Variants in TRMT9B observed in about 807,000 individuals in gnomAD.
The protein encoded by TRMT9B is probable tRNA methyltransferase 9B.
In TRMT9B, 16 loss-of-function variants were observed where a neutral mutation model predicts 11.5. The observed-to-expected ratio is 1.39, with a 90% CI of 0.94 to 2.11. TRMT9B has a LOEUF of 2.11. Ranked by LOEUF, TRMT9B falls within the 30% of genes most tolerant of loss-of-function variation. The probability of loss-of-function intolerance (pLI) is 0.00; values close to 1 mark genes in which losing one functional copy is unlikely to be tolerated. For synonymous variants in TRMT9B, 274 were observed against 192.4 expected, an observed-to-expected ratio of 1.42 and a Z score of -3.51; for missense variants, 941 against 553.8, an observed-to-expected ratio of 1.70 and a Z score of -7.02.
chr8:12,992,350 T>C (rs531844318), intron 2 of TRMT9B, among the ~76,000 whole-genome samples: 2 of 152,176 alleles, frequency 1.3e-5, no homozygotes, highest in South Asian at 4.2e-4. Flanking sequence ...AGATAATAAA[T>C]TTGCAGTGTA....
intron 4 of TRMT9B, among the ~76,000 whole-genome samples, chr8:13,016,046 G>T (rs1357071081): frequency 1.3e-5 from 2 of 150,302 alleles, no homozygotes; most frequent in African/African-American, 4.9e-5. Context: ...AGGAGTTTGA[G>T]TCCAGCCTGG....
intron 1 of TRMT9B, among the ~76,000 whole-genome samples, chr8:12,982,257 C>A (rs1563355667): frequency 6.6e-6 from 1 of 152,094 alleles, no homozygotes. Context: ...AGGGAAGGGG[C>A]AGGGTTACTC....
At chr8:12,991,163 G>C in intron 2 of TRMT9B, 132 bp downstream of exon 2, 1 of 309,786 alleles carries the variant, frequency 3.2e-6, no homozygotes, top group Non-Finnish European at 5.2e-6. Flanking sequence ...AAGTAAGTTG[G>C]AATTTATTTT....
chr8:13,001,494 A>G (rs1457536214), intron 2 of TRMT9B, among the ~76,000 whole-genome samples: 1 of 152,256 alleles, frequency 6.6e-6, no homozygotes, highest in Admixed American at 6.5e-5. Context: ...TGTAGATAAC[A>G]TACTTCACTA....
At chr8:12,961,925 C>G (rs2946496) in intron 1 of TRMT9B, 1 of 152,274 alleles carries the variant, frequency 6.6e-6, no homozygotes, top group South Asian at 2.1e-4. Flanking sequence ...AATCAGACTT[C>G]TCAGCAGACC....
At chr8:12,967,600 C>T (rs1802998840) in intron 1 of TRMT9B, among the ~76,000 whole-genome samples, 1 of 152,338 alleles carries the variant, frequency 6.6e-6, no homozygotes, top group East Asian at 1.9e-4. Context: ...TAATTAAATG[C>T]ATCCTTTCTA....
At chr8:12,966,829 G>A (rs1255590032) in intron 1 of TRMT9B, among the ~76,000 whole-genome samples, 1 of 152,178 alleles carries the variant, frequency 6.6e-6, no homozygotes. Flanking sequence ...GAGGAGCTGG[G>A]TGCAGTGGGG....
chr8:12,997,115 G>A (rs572258530), intron 2 of TRMT9B, among the ~76,000 whole-genome samples: 2 of 151,962 alleles, frequency 1.3e-5, no homozygotes, highest in East Asian at 3.9e-4. Flanking sequence ...TGATATTTGT[G>A]GAATGTATAT....
chr8:13,011,872 A>G, intron 3 of TRMT9B: 1 of 982,824 alleles, frequency 1.0e-6, no homozygotes, highest in Non-Finnish European at 1.2e-6. Context: ...TCAAGTTCAA[A>G]TTTTAAAAAT....
Position 13,023,204 on chromosome 8 carries a change from C to G in TRMT9B, c.*1160C>G, listed in dbSNP as rs1814233325. 1 of 167,070 alleles carries G rather than the reference C, an allele frequency of 6.0e-6. No individual in the cohort carries two copies. Among genetic ancestry groups the G allele is most frequent in the African/African-American group, 2.4e-5 (1 of 41,428 alleles). The allele number at this position is 167,070 out of a possible 1,614,324, so 10.3% of individuals were successfully genotyped here. On this transcript the variant is annotated 3_prime_UTR_variant, in exon 5 of 5. Coordinates refer to ENST00000524591, the MANE Select transcript of TRMT9B (RefSeq NM_020844.3). ...AGACCAAGATTGACTAATGATGAGTCTGCATCAAGAACTAGGCATTTCTTC... is the reference window on the plus strand; with the variant it reads ...AGACCAAGATTGACTAATGATGAGTGTGCATCAAGAACTAGGCATTTCTTC...
intron 2 of TRMT9B, among the ~76,000 whole-genome samples, chr8:12,994,090 C>G (rs1807896399): frequency 6.6e-6 from 1 of 152,184 alleles, no homozygotes; most frequent in Non-Finnish European, 1.5e-5. Context: ...GTCAATGTGC[C>G]TGGCAGGCCC....
intron 1 of TRMT9B, among the ~76,000 whole-genome samples, chr8:12,984,137 T>G (rs867870049): frequency 1.2e-4 from 19 of 152,282 alleles, no homozygotes; most frequent in Middle Eastern, 3.4e-3. Context: ...CCAAAATTAT[T>G]AAAAATGTGG....
intron 1 of TRMT9B, among the ~76,000 whole-genome samples, chr8:12,954,792 G>A (rs1801088204): frequency 6.6e-6 from 1 of 152,192 alleles, no homozygotes; most frequent in Non-Finnish European, 1.5e-5. Context: ...TTCAAAAAGA[G>A]TTAACATCAT....
At chr8:12,964,843 C>T (rs1012855791) in intron 1 of TRMT9B, among the ~76,000 whole-genome samples, 4 of 152,102 alleles carry the variant, frequency 2.6e-5, no homozygotes, top group African/African-American at 7.2e-5. Flanking sequence ...CCTCCCAGTT[C>T]GGCCTCCCAA....
At chr8:12,947,003 G>T (rs556885111) in intron 1 of TRMT9B, among the ~76,000 whole-genome samples, 1 of 152,270 alleles carries the variant, frequency 6.6e-6, no homozygotes, top group South Asian at 2.1e-4. Context: ...TAGGATTTAG[G>T]AGATGGCTAC....
chr8:13,001,788 G>A (rs188993356), intron 2 of TRMT9B, among the ~76,000 whole-genome samples: 2 of 152,150 alleles, frequency 1.3e-5, no homozygotes, highest in Non-Finnish European at 2.9e-5. Context: ...CACAATGTGA[G>A]GCTTTAAGTA....
In TRMT9B at chr8:13,012,524, G is replaced by A; in HGVS notation, c.155-160G>A. On this transcript the variant is annotated intron_variant, in intron 3 of 4. Transcript: ENST00000524591. The stretch of plus-strand genomic sequence containing the variant: ...CGTGAGGCAGAGGTTGCAGTGAACC[G>A]AGATTGCGCCACTGCACTCCAGCCT... 7.7e-6 allele frequency: 7 copies of A among 912,118 alleles called. No individual in the cohort carries two copies. In the South Asian group the frequency reaches 8.5e-5, roughly 11 times the overall value. 56.5% of individuals were successfully genotyped at this position (912,118 alleles called of 1,614,324 possible). A position where few individuals can be genotyped will look rare whatever the true frequency, so the allele number is the denominator to read the frequency against.
chr8:12,962,605 C>T (rs1213617409), intron 1 of TRMT9B, among the ~76,000 whole-genome samples: 1 of 152,100 alleles, frequency 6.6e-6, no homozygotes, highest in East Asian at 1.9e-4. Context: ...ATCCTCGTAC[C>T]TCAGCCCCCC....
At chr8:13,016,913 T>C (rs1585399701) in intron 4 of TRMT9B, among the ~76,000 whole-genome samples, 1 of 150,536 alleles carries the variant, frequency 6.6e-6, no homozygotes, top group Non-Finnish European at 1.5e-5. Flanking sequence ...GATCACAAGG[T>C]CAGGAGTTTG....
Sources: gnomAD v4.1 joint callset for allele counts (sites outside exome capture counted in the v4.1 genomes callset) on GRCh38, gnomAD v4.1.1 for gene constraint, MANE v1.5 for transcripts, NCBI Gene and HGNC (gene_info 2026-07-23, HGNC 2026-07-21) for gene names.